HAPLN3: variants seen among roughly 807,000 people sequenced by gnomAD.
HAPLN3 encodes the protein hyaluronan and proteoglycan link protein 3, also known as extracellular link domain containing, 1.
Under a neutral mutation model 28.1 loss-of-function variants are expected in HAPLN3, and 28 were observed. The ratio of observed to expected loss-of-function variants is 1.00; its 90% CI spans 0.74 to 1.37. The LOEUF is 1.37. Among genes scored for constraint, HAPLN3 ranks in the 40% most tolerant of loss-of-function variants. The probability of loss-of-function intolerance (pLI) is 0.00; values close to 1 mark genes in which losing one functional copy is unlikely to be tolerated. For synonymous variants in HAPLN3, 211 were observed against 213.1 expected, an observed-to-expected ratio of 0.99 and a Z score of 0.09; for missense variants, 513 against 504.6, an observed-to-expected ratio of 1.02 and a Z score of -0.16.
At position 88,887,172 on chromosome 15, in the gene HAPLN3, T is replaced by G. The variant is rs1378763027; in HGVS notation, c.124+3A>C. The G allele has an allele frequency of 6.2e-7, 1 of 1,614,108 alleles. No homozygotes were observed. Among genetic ancestry groups the G allele is most frequent in the Admixed American group, 1.7e-5 (1 of 60,018 alleles). On this transcript the variant is annotated splice_donor_region_variant and intron_variant, in intron 2 of 4. Transcript: ENST00000359595. Reference sequence around the variant, plus strand: ...AAAGAGCCGGGTGCAGGAGGTCGCCTACCTTTGCCATGACCGTTGCCTAGG... The same window carrying G: ...AAAGAGCCGGGTGCAGGAGGTCGCCGACCTTTGCCATGACCGTTGCCTAGG...
Position 88,881,550 on chromosome 15 carries a change from G to A in HAPLN3, c.300C>T (p.Asp100=), listed in dbSNP as rs146576269. ...KLSENGAPEK[D]VLVAIGLRHR... ...GCCTCAGCCCGATGGCCACCAGCACGTCCTTCTCTGGGGCCCCGTTCTCCG... is the reference window on the plus strand; with the variant it reads ...GCCTCAGCCCGATGGCCACCAGCACATCCTTCTCTGGGGCCCCGTTCTCCG... Residue 100 remains aspartate (D), a synonymous_variant, in exon 3 of 5, where the codon GAC becomes GAT. Transcript: ENST00000359595. The surrounding 1 kb of genome is among the most constrained non-coding windows in gnomAD (Gnocchi z 6.0). 110 of 1,614,086 alleles carry A rather than the reference G, an allele frequency of 6.8e-5. No homozygotes were observed. The African/African-American group carries it at 1.2e-3, about 17-fold the overall frequency.
At chr15:88,892,187 G>A (rs1018733106) in intron 1 of HAPLN3, among the ~76,000 whole-genome samples, 1 of 152,210 alleles carries the variant, frequency 6.6e-6, no homozygotes, top group African/African-American at 2.4e-5. Context: ...GCTGGGCACA[G>A]TGGCTTACAC....
At position 88,881,258 on chromosome 15, in the gene HAPLN3, C is replaced by T. The variant is rs1283791962; in HGVS notation, c.493+99G>A. 7.0e-7 allele frequency: 1 copy of T among 1,434,970 alleles called. No homozygotes were observed. Among genetic ancestry groups the T allele is most frequent in the Non-Finnish European group, 9.3e-7 (1 of 1,071,828 alleles). 88.9% of individuals were successfully genotyped at this position (1,434,970 alleles called of 1,614,324 possible). ...TGTGGGTTGTTTTGAGAATTAAGTACTTTTAAATGTCTAAAGCACAGAGGT... is the reference window on the plus strand; with the variant it reads ...TGTGGGTTGTTTTGAGAATTAAGTATTTTTAAATGTCTAAAGCACAGAGGT... On this transcript the variant is annotated intron_variant, in intron 3 of 4. Coordinates refer to ENST00000359595, the MANE Select transcript of HAPLN3 (RefSeq NM_178232.4). The surrounding 1 kb of genome is among the most constrained non-coding windows in gnomAD (Gnocchi z 6.0).
chr15:88,893,241 A>G (rs1898060869), intron 1 of HAPLN3: 1 of 608,544 alleles, frequency 1.6e-6, no homozygotes, highest in Non-Finnish European at 3.0e-6. Flanking sequence ...ACACAGTGAA[A>G]CCCCCATCTC....
In HAPLN3 at chr15:88,879,169, A is replaced by G; in HGVS notation, c.594T>C (p.Phe198=). ...CAEQAAVVAS[F]EQLFRAWEEG... ...CCTCCCAGGCCCGGAAGAGCTGCTC[A>G]AAGGAGGCCACCACCGCAGCCTGCT... Residue 198 remains phenylalanine (F), a synonymous_variant, in exon 4 of 5, where the codon TTT becomes TTC. Transcript: ENST00000359595. The surrounding 1 kb of genome is among the most constrained non-coding windows in gnomAD (Gnocchi z 5.0). 2 of 1,613,762 alleles carry G rather than the reference A, an allele frequency of 1.2e-6. No homozygotes were observed. Among genetic ancestry groups the G allele is most frequent in the Non-Finnish European group, 1.7e-6 (2 of 1,179,958 alleles).
rs907849997 is a variant in HAPLN3 at position 88,888,915 on chromosome 15, T to C, written c.-47-1570A>G. 2.6e-5 allele frequency among the ~76,000 whole-genome samples: 4 copies of C among 152,194 alleles called. No individual in the cohort carries two copies. The highest frequency in any genetic ancestry group is 9.7e-5 in the African/African-American group (4 of 41,446). ...CTGGGGGTATACAGGAGGTCCTCCA[T>C]TTGCCCCACACACCCACCAGGTCCA... On this transcript the variant is annotated intron_variant, in intron 1 of 4. Transcript: ENST00000359595. The surrounding 1 kb of genome is among the most constrained non-coding windows in gnomAD (Gnocchi z 4.1).
At chr15:88,893,528 A>G (rs920688573) in intron 1 of HAPLN3, among the ~76,000 whole-genome samples, 8 of 152,138 alleles carry the variant, frequency 5.3e-5, no homozygotes, top group East Asian at 1.9e-4. Context: ...AGGCTCTAGA[A>G]GCAGATTGGC....
In HAPLN3 at chr15:88,877,331, GTA is replaced by G. The variant is rs1897550184; in HGVS notation, c.*637_*638del. ...GTCATAGCACCATTTATTGTCCAAA[GTA>G]CACACACCTGAGGGCCCCTCCCCAC... On this transcript the variant is annotated 3_prime_UTR_variant, in exon 5 of 5. Coordinates refer to ENST00000359595, the MANE Select transcript of HAPLN3 (RefSeq NM_178232.4). This position sits in a 1 kb window ranked among gnomAD's most constrained non-coding sequence, Gnocchi z 5.1. The G allele has an allele frequency of 6.6e-6, 1 of 152,620 alleles. No individual in the cohort carries two copies. The highest frequency in any genetic ancestry group is 1.5e-5 in the Non-Finnish European group (1 of 68,332). 9.5% of individuals were successfully genotyped at this position (152,620 alleles called of 1,614,324 possible).
rs764727132 is a variant in HAPLN3 at position 88,887,259 on chromosome 15, C to G, written c.40G>C (p.Gly14Arg). 5.0e-6 allele frequency: 8 copies of G among 1,614,106 alleles called. No individual in the cohort carries two copies. The highest frequency in any genetic ancestry group is 2.2e-5 in the East Asian group (1 of 44,874). Residue 14 changes from glycine to arginine, a missense_variant, in exon 2 of 5, where the codon GGC (glycine) becomes CGC (arginine). By Grantham distance (125) the Gly-to-Arg change is moderately radical (BLOSUM62 -2). Coordinates refer to ENST00000359595, the MANE Select transcript of HAPLN3 (RefSeq NM_178232.4). Reference sequence around the variant, plus strand: ...TTGTAGAAGGGCAGTCCGTAGGAGCCGGGCAGCAGGAGCAACGGGACCAGG... The same window carrying G: ...TTGTAGAAGGGCAGTCCGTAGGAGCGGGGCAGCAGGAGCAACGGGACCAGG... ...LLLVPLLLLP[G>R]SYGLPFYNGF...
chr15:88,882,386 C>A (rs1897729200), intron 2 of HAPLN3, among the ~76,000 whole-genome samples: 1 of 152,232 alleles, frequency 6.6e-6, no homozygotes, highest in Admixed American at 6.5e-5. Flanking sequence ...ATGGCCAGGA[C>A]AAGTGGCCCT....
intron 2 of HAPLN3, among the ~76,000 whole-genome samples, chr15:88,883,229 T>C (rs1028626924): frequency 1.3e-5 from 2 of 152,086 alleles, no homozygotes; most frequent in Non-Finnish European, 2.9e-5. Context: ...CATTGTGGGG[T>C]CCCAGTGCCT....
At position 88,879,176 on chromosome 15, in the gene HAPLN3, G is replaced by A; in HGVS notation, c.587C>T (p.Ala196Val). Residue 196 changes from alanine (A) to valine (V), a missense_variant, in exon 4 of 5, where the codon GCC (alanine) becomes GTC (valine). By Grantham distance (64) the Ala-to-Val change is moderately conservative. Coordinates refer to ENST00000359595, the MANE Select transcript of HAPLN3 (RefSeq NM_178232.4). This position sits in a 1 kb window ranked among gnomAD's most constrained non-coding sequence, Gnocchi z 5.0. Reference protein sequence around the residue: ...QVCAEQAAVVASFEQLFRAWE... With the variant: ...QVCAEQAAVVVSFEQLFRAWE... The stretch of plus-strand genomic sequence containing the variant: ...GGCCCGGAAGAGCTGCTCAAAGGAG[G>A]CCACCACCGCAGCCTGCTCTGCACA... 1 of 1,613,836 alleles carries A rather than the reference G, an allele frequency of 6.2e-7. No homozygotes were observed. The highest frequency in any genetic ancestry group is 2.2e-5 in the East Asian group (1 of 44,876).
Position 88,878,975 on chromosome 15 carries a change from G to T in HAPLN3, c.788C>A (p.Ala263Asp). 6.2e-7 allele frequency: 1 copy of T among 1,608,820 alleles called. No homozygotes were observed. The highest frequency in any genetic ancestry group is 1.1e-5 in the South Asian group (1 of 90,052). ...HRYDVFCFAT[A>D]LKGRVYYLEH... is the part of the protein sequence containing the mutation. The stretch of plus-strand genomic sequence containing the variant: ...TTGGCTATTCCACTCACCCTTGAGG[G>T]CAGTAGCGAAGCAGAATACATCATA... Residue 263 changes from alanine (A) to aspartate (D), a missense_variant, in exon 4 of 5, where the codon GCC becomes GAC. Ala to Asp is a moderately radical substitution (Grantham distance 126, BLOSUM62 -2). Coordinates refer to ENST00000359595, the MANE Select transcript of HAPLN3 (RefSeq NM_178232.4).
In HAPLN3 at chr15:88,879,711, T is replaced by C. The variant is rs191506874; in HGVS notation, c.494-442A>G. The C allele has an allele frequency of 1.1e-5, 13 of 1,177,748 alleles. 1 individual carries two copies. The East Asian group carries it at 6.0e-4, about 54-fold the overall frequency. 73.0% of individuals were successfully genotyped at this position (1,177,748 alleles called of 1,614,324 possible). On this transcript the variant is annotated intron_variant, in intron 3 of 4. Coordinates refer to ENST00000359595, the MANE Select transcript of HAPLN3 (RefSeq NM_178232.4). The surrounding 1 kb of genome is among the most constrained non-coding windows in gnomAD (Gnocchi z 5.0). ...TTTCCTAGGAAAATGCAAGGAACTT[T>C]CCACGTGTGGCAGATGATTTTCAGG... is the stretch of plus-strand genomic sequence containing the variant.
chr15:88,878,268 G>T lies in HAPLN3; in HGVS notation c.797-12C>A, dbSNP rs200827968. 497 of 1,605,330 alleles carry T rather than the reference G, an allele frequency of 3.1e-4. 1 individual carries two copies. In the East Asian group the frequency reaches 4.4e-3, roughly 14 times the overall value. ...GTAGTACACCCGCCCTGGGGGAAAG[G>T]GGGCGTGAGTGCCGTACAGCGCAGG... On this transcript the variant is annotated splice_polypyrimidine_tract_variant and intron_variant, in intron 4 of 4. Transcript: ENST00000359595.
chr15:88,883,134 G>A (rs1442047661), intron 2 of HAPLN3, among the ~76,000 whole-genome samples: 1 of 152,264 alleles, frequency 6.6e-6, no homozygotes, highest in African/African-American at 2.4e-5. Flanking sequence ...TATACCTAAT[G>A]TAGCAGATTG....
rs1897643999 is a variant in HAPLN3 at position 88,879,681 on chromosome 15, G to A, written c.494-412C>T. On this transcript the variant is annotated intron_variant, in intron 3 of 4. Transcript: ENST00000359595. This position sits in a 1 kb window ranked among gnomAD's most constrained non-coding sequence, Gnocchi z 5.0. Reference sequence around the variant, plus strand: ...CGATCGTCTACGTTATTATGAATGTGGAAATTTCCTAGGAAAATGCAAGGA... The same window carrying A: ...CGATCGTCTACGTTATTATGAATGTAGAAATTTCCTAGGAAAATGCAAGGA... 3.4e-6 allele frequency: 4 copies of A among 1,180,128 alleles called. No individual in the cohort carries two copies. Among genetic ancestry groups the A allele is most frequent in the Admixed American group, 3.8e-5 (1 of 26,432 alleles). 73.1% of individuals were successfully genotyped at this position (1,180,128 alleles called of 1,614,324 possible).
chr15:88,878,362 C>A, intron 4 of HAPLN3, 106 bp from the exon 5 acceptor site: 1 of 1,038,076 alleles, frequency 9.6e-7, no homozygotes, highest in Non-Finnish European at 1.4e-6. Context: ...GCCCAGGGAG[C>A]TACCATACTG....
rs1219151441 is a variant in HAPLN3 at position 88,881,527 on chromosome 15, C to G, written c.323G>C (p.Arg108Thr). The change falls in exon 3 of 5, where the codon AGG becomes ACG. Residue 108 changes from arginine to threonine, a missense_variant. Physicochemically the swap from Arg to Thr is moderately conservative, Grantham distance 71. Coordinates refer to ENST00000359595, the MANE Select transcript of HAPLN3 (RefSeq NM_178232.4). This position sits in a 1 kb window ranked among gnomAD's most constrained non-coding sequence, Gnocchi z 6.0. ...TTGGTAGTCCCCAAAGGAGCGGTGC[C>G]TCAGCCCGATGGCCACCAGCACGTC... Reference protein sequence around the residue: ...EKDVLVAIGLRHRSFGDYQGR... With the variant: ...EKDVLVAIGLTHRSFGDYQGR... The G allele has an allele frequency of 6.2e-7, 1 of 1,614,108 alleles. No individual in the cohort carries two copies.
Sources: gnomAD v4.1 joint callset for allele counts (sites outside exome capture counted in the v4.1 genomes callset) on GRCh38, gnomAD v4.1.1 for gene constraint, Gnocchi (gnomAD v3.1) non-coding constraint, MANE v1.5 for transcripts, NCBI Gene and HGNC (gene_info 2026-07-23, HGNC 2026-07-21) for gene names.